The following PRKCE variants were observed in gnomAD, a reference collection of about 807,000 sequenced individuals.
The protein encoded by PRKCE is protein kinase C epsilon.
In PRKCE, 16 loss-of-function variants were observed where a neutral mutation model predicts 85.4. That is an observed-to-expected ratio of 0.19 (90% CI 0.13 to 0.28). PRKCE has a LOEUF of 0.28. PRKCE is among the 10% of genes least tolerant of loss of function. The pLI, the probability that PRKCE is intolerant of heterozygous loss-of-function variation, is 1.00. For missense variants in PRKCE, 573 were observed against 975.2 expected (o/e 0.59, Z 5.49); for synonymous variants, 388 against 371.5 (o/e 1.04, Z -0.51).
chr2:45,853,100 C>T (rs1267670468), intron 2 of PRKCE, among the ~76,000 whole-genome samples: 1 of 152,170 alleles, frequency 6.6e-6, no homozygotes, highest in Non-Finnish European at 1.5e-5. Context: ...GAGTCCCGAT[C>T]ACTTAGTCCT....
In PRKCE at chr2:46,145,270, C is replaced by T; in HGVS notation, c.1731+39C>T. On this transcript the variant is annotated intron_variant, in intron 12 of 14. Transcript: ENST00000306156. The surrounding 1 kb of genome is among the most constrained non-coding windows in gnomAD (Gnocchi z 4.6). ...GCAAAGGTTCACCTCCTCCTGGTGC[C>T]AGGACCGAGGCAGGGGTCCAAACCC... is the stretch of plus-strand genomic sequence containing the variant. 1.3e-6 allele frequency: 2 copies of T among 1,598,144 alleles called. No homozygotes were observed. Among genetic ancestry groups the T allele is most frequent in the Non-Finnish European group, 1.7e-6 (2 of 1,178,994 alleles).
At chr2:45,680,159 A>G (rs956328077) in intron 1 of PRKCE, among the ~76,000 whole-genome samples, 5 of 152,262 alleles carry the variant, frequency 3.3e-5, no homozygotes, top group Admixed American at 6.5e-5. Flanking sequence ...AATAGATGTC[A>G]TTAGACAAAT....
At chr2:45,720,745 A>G (rs1680548112) in intron 1 of PRKCE, among the ~76,000 whole-genome samples, 1 of 152,210 alleles carries the variant, frequency 6.6e-6, no homozygotes, top group South Asian at 2.1e-4. Flanking sequence ...TGGAAAGAAG[A>G]TTGGTCTGCT....
At chr2:45,896,996 T>A (rs1002890554) in intron 2 of PRKCE, among the ~76,000 whole-genome samples, 7 of 152,128 alleles carry the variant, frequency 4.6e-5, no homozygotes, top group Non-Finnish European at 1.5e-5. Context: ...AAGGATCCCT[T>A]GAGCCCATGA....
At chr2:46,165,839 T>C (rs953969823) in intron 14 of PRKCE, among the ~76,000 whole-genome samples, 6 of 152,218 alleles carry the variant, frequency 3.9e-5, no homozygotes, top group Non-Finnish European at 8.8e-5. Context: ...GGGAGAGATT[T>C]GCCTCCCCAG....
chr2:45,949,438 T>TC (rs1700471020), intron 2 of PRKCE, among the ~76,000 whole-genome samples: 11 of 149,514 alleles, frequency 7.4e-5, no homozygotes, highest in Non-Finnish European at 1.5e-4. Flanking sequence ...TTTTTTTTTT[T>TC]CCTTGAGGGT....
intron 2 of PRKCE, among the ~76,000 whole-genome samples, chr2:45,946,680 A>T (rs868233722): frequency 3.9e-5 from 6 of 152,188 alleles, no homozygotes; most frequent in South Asian, 2.1e-4. Context: ...TAAAAGCCAG[A>T]GGAACCAGGT....
At chr2:45,796,228 A>G (rs939012783) in intron 1 of PRKCE, among the ~76,000 whole-genome samples, 1 of 152,184 alleles carries the variant, frequency 6.6e-6, no homozygotes, top group African/African-American at 2.4e-5. Context: ...TGTCGTTTGT[A>G]TAACGTAGTA....
intron 14 of PRKCE, among the ~76,000 whole-genome samples, chr2:46,183,831 C>T (rs1680228720): frequency 6.6e-6 from 1 of 152,230 alleles, no homozygotes; most frequent in Admixed American, 6.5e-5. Flanking sequence ...GTGTTCTACA[C>T]AGGACTACTG....
intron 11 of PRKCE, among the ~76,000 whole-genome samples, chr2:46,092,014 A>G (rs1670212189): frequency 6.6e-6 from 1 of 152,246 alleles, no homozygotes; most frequent in African/African-American, 2.4e-5. Flanking sequence ...CATCAAACTC[A>G]TAACTACCCA....
chr2:45,927,504 T>A (rs1698722695), intron 2 of PRKCE, among the ~76,000 whole-genome samples: 1 of 152,192 alleles, frequency 6.6e-6, no homozygotes, highest in Admixed American at 6.5e-5. Flanking sequence ...GGCATCCAGG[T>A]CTGCCTGAGT....
chr2:46,043,465 T>C (rs75841961), intron 10 of PRKCE, among the ~76,000 whole-genome samples: 3,206 of 152,348 alleles, frequency 0.021, 115 homozygotes, highest in African/African-American at 0.073. Context: ...TAATATATTA[T>C]GTTACAAATG....
At chr2:45,869,896 C>T (rs375560361) in intron 2 of PRKCE, among the ~76,000 whole-genome samples, 7 of 151,884 alleles carry the variant, frequency 4.6e-5, no homozygotes, top group Admixed American at 2.6e-4. Flanking sequence ...TTAGTAGAGA[C>T]GGGGTTTCAC....
At chr2:46,177,607 G>C (rs1679549525) in intron 14 of PRKCE, among the ~76,000 whole-genome samples, 1 of 152,142 alleles carries the variant, frequency 6.6e-6, no homozygotes, top group Non-Finnish European at 1.5e-5. Flanking sequence ...AAGGACACCA[G>C]TCATATTGGA....
At chr2:45,983,291 C>T (rs774032463) in intron 5 of PRKCE, among the ~76,000 whole-genome samples, 17 of 152,160 alleles carry the variant, frequency 1.1e-4, no homozygotes, top group East Asian at 3.9e-4. Flanking sequence ...TAGTCCCCCA[C>T]GGGGGCCTGT....
intron 2 of PRKCE, 40 bp from the exon 3 acceptor site, chr2:45,976,389 C>T (rs1446585674): frequency 5.0e-6 from 8 of 1,588,770 alleles, no homozygotes; most frequent in Non-Finnish European, 6.0e-6. Context: ...GGTGCACTAA[C>T]CCAGACTCCG....
Position 46,184,701 on chromosome 2 carries a change from C to T in PRKCE, c.2068-34C>T. ...GGGGGGCCCTCAGGAGGGAGAGCAG[C>T]CTCAACTCACCACTTTCTCTTTTCT... is the stretch of plus-strand genomic sequence containing the variant. On this transcript the variant is annotated intron_variant, in intron 14 of 14. Coordinates refer to ENST00000306156, the MANE Select transcript of PRKCE (RefSeq NM_005400.3). The surrounding 1 kb of genome is among the most constrained non-coding windows in gnomAD (Gnocchi z 5.0). The T allele has an allele frequency of 6.3e-7, 1 of 1,595,244 alleles. No individual in the cohort carries two copies. The highest frequency in any genetic ancestry group is 1.1e-5 in the South Asian group (1 of 90,024).
chr2:45,989,251 C>G (rs1703601225), intron 6 of PRKCE, among the ~76,000 whole-genome samples: 1 of 152,206 alleles, frequency 6.6e-6, no homozygotes, highest in Non-Finnish European at 1.5e-5. Context: ...GAAGACCTGG[C>G]CTGGAGATTC....
chr2:45,732,479 C>T (rs1345948462), intron 1 of PRKCE, among the ~76,000 whole-genome samples: 1 of 152,094 alleles, frequency 6.6e-6, no homozygotes, highest in Non-Finnish European at 1.5e-5. Context: ...TAGGTTTATT[C>T]ATCCATTGAT....
Sources: allele counts gnomAD v4.1 joint callset (sites outside exome capture counted in the v4.1 genomes callset), GRCh38; gene constraint gnomAD v4.1.1; non-coding constraint Gnocchi (gnomAD v3.1); transcripts MANE v1.5; gene names NCBI Gene and HGNC (gene_info 2026-07-23, HGNC 2026-07-21).